DUOXA1: variants seen among roughly 807,000 people sequenced by gnomAD.
DUOXA1 encodes the protein dual oxidase activator 1.
In DUOXA1, 19 loss-of-function variants were observed where a neutral mutation model predicts 26.6. The ratio of observed to expected loss-of-function variants is 0.71; its 90% CI spans 0.50 to 1.05. The LOEUF (loss-of-function observed/expected upper bound fraction) is 1.05, where lower values mean the gene tolerates loss of function less well. DUOXA1 is among the 50% of genes least tolerant of loss of function. The pLI, the probability that DUOXA1 is intolerant of heterozygous loss-of-function variation, is 0.00. For missense variants in DUOXA1, 403 were observed against 427.5 expected (o/e 0.94, Z 0.51); for synonymous variants, 166 against 177.0 (o/e 0.94, Z 0.49).
At chr15:45,120,362 T>C in intron 7 of DUOXA1, 42 bp from the exon 8 acceptor site, 1 of 1,609,898 alleles carries the variant, frequency 6.2e-7, no homozygotes, top group South Asian at 1.1e-5. Context: ...CAGGTACTTC[T>C]ACCTGCTGGT....
intron 3 of DUOXA1, among the ~76,000 whole-genome samples, chr15:45,126,487 T>C (rs1895688741): frequency 6.6e-6 from 1 of 152,262 alleles, no homozygotes; most frequent in Non-Finnish European, 1.5e-5. Context: ...TTTCCTCTGA[T>C]GCCACTGGGC....
chr15:45,117,935 C>A lies in DUOXA1; in HGVS notation c.*1171G>T, dbSNP rs777311888. On this transcript the variant is annotated 3_prime_UTR_variant, in exon 9 of 9. Coordinates refer to ENST00000560572, the MANE Select transcript of DUOXA1 (RefSeq NM_001276266.2). Reference sequence around the variant, plus strand: ...GGGGGACCCAATCTGGACTCCTTCCCCGCCTTGGGACATCGCAGGCCGGGA... The same window carrying A: ...GGGGGACCCAATCTGGACTCCTTCCACGCCTTGGGACATCGCAGGCCGGGA... 1.2e-6 allele frequency: 2 copies of A among 1,613,060 alleles called. No homozygotes were observed. The highest frequency in any genetic ancestry group is 2.7e-5 in the African/African-American group (2 of 74,940).
intron 3 of DUOXA1, among the ~76,000 whole-genome samples, chr15:45,127,422 C>T (rs949087914): frequency 2.0e-5 from 3 of 152,158 alleles, no homozygotes; most frequent in Non-Finnish European, 4.4e-5. Context: ...ACAATGTTAA[C>T]TTATTTCCAG....
intron 3 of DUOXA1, among the ~76,000 whole-genome samples, chr15:45,125,245 C>T (rs1895579487): frequency 6.6e-6 from 1 of 152,178 alleles, no homozygotes. Flanking sequence ...TCTGCGAATC[C>T]ATCCTCCTGG....
In DUOXA1 at chr15:45,117,782, G is replaced by A. The variant is rs1275610426; in HGVS notation, c.*1324C>T. 2 of 1,613,940 alleles carry A rather than the reference G, an allele frequency of 1.2e-6. No individual in the cohort carries two copies. Among genetic ancestry groups the A allele is most frequent in the Non-Finnish European group, 1.7e-6 (2 of 1,180,018 alleles). ...CAGTATGTTCGGCCCAGCGCTCTTC[G>A]CACCCTTCTGGACCAAAGCGCCAAG... is the stretch of plus-strand genomic sequence containing the variant. On this transcript the variant is annotated 3_prime_UTR_variant, in exon 9 of 9. Transcript: ENST00000560572.
chr15:45,118,613 C>T lies in DUOXA1; in HGVS notation c.*493G>A, dbSNP rs1229562791. The T allele has an allele frequency of 2.0e-6, 2 of 990,706 alleles. No homozygotes were observed. Among genetic ancestry groups the T allele is most frequent in the African/African-American group, 3.5e-5 (2 of 57,394 alleles). The allele number at this position is 990,706 out of a possible 1,614,324, so 61.4% of individuals were successfully genotyped here. ...CCTAGGATGAGAAGTTTGGTTTCCC[C>T]TCCTTTCCAGTGCTGTCTTTCATTG... On this transcript the variant is annotated 3_prime_UTR_variant, in exon 9 of 9. Coordinates refer to ENST00000560572, the MANE Select transcript of DUOXA1 (RefSeq NM_001276266.2).
chr15:45,128,112 G>A (rs1895823060), intron 3 of DUOXA1, among the ~76,000 whole-genome samples: 1 of 152,132 alleles, frequency 6.6e-6, no homozygotes, highest in Admixed American at 6.5e-5. Context: ...CTTTCCTTAT[G>A]CTCAATCTTA....
At chr15:45,122,131 A>T in intron 5 of DUOXA1, 54 bp downstream of exon 5, 4 of 1,547,204 alleles carry the variant, frequency 2.6e-6, no homozygotes. Context: ...CAGGCTGCTG[A>T]GGGAGTTGAA....
chr15:45,128,291 T>C (rs890710301), intron 3 of DUOXA1, among the ~76,000 whole-genome samples: 1 of 152,238 alleles, frequency 6.6e-6, no homozygotes, highest in African/African-American at 2.4e-5. Context: ...GTGGCCTCTC[T>C]TGTAGCCTGA....
chr15:45,117,923 T>G lies in DUOXA1; in HGVS notation c.*1183A>C, dbSNP rs1463588945. Reference sequence around the variant, plus strand: ...ACTAACCTGTGAGGGGGACCCAATCTGGACTCCTTCCCCGCCTTGGGACAT... The same window carrying G: ...ACTAACCTGTGAGGGGGACCCAATCGGGACTCCTTCCCCGCCTTGGGACAT... On this transcript the variant is annotated 3_prime_UTR_variant, in exon 9 of 9. Transcript: ENST00000560572. 3 of 1,613,132 alleles carry G rather than the reference T, an allele frequency of 1.9e-6. No individual in the cohort carries two copies. The African/African-American group carries it at 4.0e-5, about 22-fold the overall frequency.
chr15:45,119,768 G>A (rs1393086215), intron 8 of DUOXA1, among the ~76,000 whole-genome samples: 3 of 152,102 alleles, frequency 2.0e-5, no homozygotes. Flanking sequence ...GGCAGGACAG[G>A]GAAGGGTTTA....
rs955284094 is a variant in DUOXA1, at chr15:45,119,587, G to GGA, written c.773-224_773-223dup. On this transcript the variant is annotated intron_variant, in intron 8 of 8. Transcript: ENST00000560572. ...CCAGTGCTCCTTCTGTTATATCCCG[G>GGA]GAGAGAGAGAGAGAGAAAGGGGGAG... is the stretch of plus-strand genomic sequence containing the variant. 6.0e-5 allele frequency among the ~76,000 whole-genome samples: 9 copies of GGA among 151,216 alleles called. No individual in the cohort carries two copies. In the South Asian group the frequency reaches 6.3e-4, roughly 11 times the overall value.
chr15:45,117,509 T>G lies in DUOXA1; in HGVS notation c.*1597A>C. 1.9e-6 allele frequency: 3 copies of G among 1,553,878 alleles called. No homozygotes were observed. The highest frequency in any genetic ancestry group is 2.6e-6 in the Non-Finnish European group (3 of 1,147,890). On this transcript the variant is annotated 3_prime_UTR_variant, in exon 9 of 9. Coordinates refer to ENST00000560572, the MANE Select transcript of DUOXA1 (RefSeq NM_001276266.2). ...GGGTTTGGTGTCTTGCCGTGTTTCATGTAATTCAGATTAGAGGTGTGTGGC... is the reference window on the plus strand; with the variant it reads ...GGGTTTGGTGTCTTGCCGTGTTTCAGGTAATTCAGATTAGAGGTGTGTGGC...
At chr15:45,120,832 C>G in intron 6 of DUOXA1, 27 bp from the exon 7 acceptor site, 1 of 1,612,710 alleles carries the variant, frequency 6.2e-7, no homozygotes, top group African/African-American at 1.3e-5. Context: ...CTCTGCTCAG[C>G]AGGAACCCAA....
chr15:45,119,967 G>A, intron 8 of DUOXA1, 136 bp downstream of exon 8: 1 of 912,350 alleles, frequency 1.1e-6, no homozygotes, highest in Non-Finnish European at 1.7e-6. Flanking sequence ...AGAGATACAA[G>A]AGGGTGGGAC....
rs1188999336 is a variant in DUOXA1, at chr15:45,118,730, A to G, written c.*376T>C. Reference sequence around the variant, plus strand: ...AAGAGGTGCCGAGGGATGAGAGGAAACCATAGGAGAATCATATGTAACCCC... The same window carrying G: ...AAGAGGTGCCGAGGGATGAGAGGAAGCCATAGGAGAATCATATGTAACCCC... On this transcript the variant is annotated 3_prime_UTR_variant, in exon 9 of 9. Transcript: ENST00000560572. 9.9e-7 allele frequency: 1 copy of G among 1,007,730 alleles called. No individual in the cohort carries two copies. The highest frequency in any genetic ancestry group is 1.7e-5 in the African/African-American group (1 of 58,102). The allele number at this position is 1,007,730 out of a possible 1,614,324, so 62.4% of individuals were successfully genotyped here.
chr15:45,119,393 C>A, intron 8 of DUOXA1, 28 bp from the exon 9 acceptor site: 1 of 1,582,476 alleles, frequency 6.3e-7, no homozygotes, highest in Non-Finnish European at 8.6e-7. Flanking sequence ...AATTGTCCCA[C>A]CTTAGTGCTA....
At chr15:45,126,131 G>A (rs1171629633) in intron 3 of DUOXA1, among the ~76,000 whole-genome samples, 13 of 152,092 alleles carry the variant, frequency 8.5e-5, no homozygotes, top group Non-Finnish European at 1.3e-4. Flanking sequence ...CTTCTGTACT[G>A]CCTCTGCCCT....
In DUOXA1 at chr15:45,122,969, G is replaced by A. The variant is rs1324985422; in HGVS notation, c.46C>T (p.Pro16Ser). 1.9e-6 allele frequency: 3 copies of A among 1,613,432 alleles called. No individual in the cohort carries two copies. The highest frequency in any genetic ancestry group is 2.5e-6 in the Non-Finnish European group (3 of 1,179,690). The change falls in exon 4 of 9, where the codon CCA becomes TCA. Residue 16 changes from proline (P) to serine (S), a missense_variant. Pro to Ser is a moderately conservative substitution (Grantham distance 74). Coordinates refer to ENST00000560572, the MANE Select transcript of DUOXA1 (RefSeq NM_001276266.2). ...HTFPFYAGPKPTFPMDTTLAS... is the reference protein window; with the variant it reads ...HTFPFYAGPKSTFPMDTTLAS... ...AAAGTGGTGTCCATCGGGAAGGTTG[G>A]CTTGGGGCCAGCATAGAAGGGGAAT...
Sources: gnomAD v4.1 joint callset for allele counts (sites outside exome capture counted in the v4.1 genomes callset) on GRCh38, gnomAD v4.1.1 for gene constraint, MANE v1.5 for transcripts, NCBI Gene and HGNC (gene_info 2026-07-23, HGNC 2026-07-21) for gene names.